Variants in EPHA3 observed in about 807,000 individuals in gnomAD.
EPHA3 encodes the protein EPH receptor A3.
Under a neutral mutation model 107.1 loss-of-function variants are expected in EPHA3, and 42 were observed. That is an observed-to-expected ratio of 0.39 (90% CI 0.31 to 0.51). The LOEUF (loss-of-function observed/expected upper bound fraction) is 0.51, where lower values mean the gene tolerates loss of function less well. Ranked by LOEUF, EPHA3 falls within the 20% of genes least tolerant of loss-of-function variation. The pLI is 0.78. For synonymous variants in EPHA3, 461 were observed against 424.8 expected (o/e 1.09, Z -1.05); for missense variants, 1,183 against 1,211.2 (o/e 0.98, Z 0.35).
chr3:89,477,130 G>A (rs1420779510), intron 16 of EPHA3, among the ~76,000 whole-genome samples: 3 of 152,106 alleles, frequency 2.0e-5, no homozygotes, highest in Non-Finnish European at 4.4e-5. Flanking sequence ...GTAGATTCAT[G>A]GTATGTTTAT....
At chr3:89,472,162 A>C (rs555348790) in intron 15 of EPHA3, among the ~76,000 whole-genome samples, 2 of 152,314 alleles carry the variant, frequency 1.3e-5, no homozygotes, top group African/African-American at 4.8e-5. Context: ...CATTTTTGCT[A>C]GTGATTAAAT....
At chr3:89,385,333 A>T (rs1248571562) in intron 5 of EPHA3, among the ~76,000 whole-genome samples, 2 of 152,166 alleles carry the variant, frequency 1.3e-5, no homozygotes, top group African/African-American at 4.8e-5. Context: ...AGTTCCCACA[A>T]TCCCCACATG....
chr3:89,248,550 T>G (rs1203060926), intron 3 of EPHA3, among the ~76,000 whole-genome samples: 1 of 152,222 alleles, frequency 6.6e-6, no homozygotes, highest in African/African-American at 2.4e-5. Flanking sequence ...CATTTCGGTG[T>G]AGTAATAGAT....
At chr3:89,478,778 G>A (rs1710568758) in intron 16 of EPHA3, among the ~76,000 whole-genome samples, 1 of 152,158 alleles carries the variant, frequency 6.6e-6, no homozygotes, top group South Asian at 2.1e-4. Flanking sequence ...CACAAAGAAT[G>A]TGTGATCATT....
chr3:89,443,445 G>A (rs1251051347), intron 13 of EPHA3, among the ~76,000 whole-genome samples: 1 of 152,022 alleles, frequency 6.6e-6, no homozygotes, highest in African/African-American at 2.4e-5. Context: ...GAAAAAAGAG[G>A]ACATTAGAAA....
Position 89,341,164 on chromosome 3 carries a change from A to G in EPHA3, c.970+93A>G, listed in dbSNP as rs1400604461. The G allele has an allele frequency of 3.0e-6, 4 of 1,346,702 alleles. No individual in the cohort carries two copies. The African/African-American group carries it at 4.5e-5, about 15-fold the overall frequency. The allele number at this position is 1,346,702 out of a possible 1,614,324, so 83.4% of individuals were successfully genotyped here. A position where few individuals can be genotyped will look rare whatever the true frequency, so the allele number is the denominator to read the frequency against. On this transcript the variant is annotated intron_variant, in intron 4 of 16. Coordinates refer to ENST00000336596, the MANE Select transcript of EPHA3 (RefSeq NM_005233.6). ...GTTTTTGTTTTAAAGCATTTGGCCC[A>G]TTTCCTTCTGTTGCCCGTGTGCAAA... is the stretch of plus-strand genomic sequence containing the variant.
intron 3 of EPHA3, among the ~76,000 whole-genome samples, chr3:89,231,027 T>C (rs1288501985): frequency 6.6e-6 from 1 of 152,080 alleles, no homozygotes; most frequent in Non-Finnish European, 1.5e-5. Flanking sequence ...AATATATTAA[T>C]CACACACAAA....
intron 2 of EPHA3, among the ~76,000 whole-genome samples, chr3:89,179,803 T>A (rs1705401442): frequency 6.6e-6 from 1 of 151,986 alleles, no homozygotes; most frequent in South Asian, 2.1e-4. Context: ...TGTAGATACA[T>A]GTTCCCAGCA....
chr3:89,306,083 C>T (rs1052025851), intron 3 of EPHA3, among the ~76,000 whole-genome samples: 1 of 152,072 alleles, frequency 6.6e-6, no homozygotes, highest in African/African-American at 2.4e-5. Context: ...ATTGCCAGTG[C>T]TTTCTGATTG....
At chr3:89,295,670 C>A (rs1706331464) in intron 3 of EPHA3, among the ~76,000 whole-genome samples, 1 of 152,120 alleles carries the variant, frequency 6.6e-6, no homozygotes, top group Middle Eastern at 3.2e-3. Flanking sequence ...CAGCTCGCTG[C>A]AACCTCTGCC....
intron 5 of EPHA3, among the ~76,000 whole-genome samples, chr3:89,383,550 C>T (rs2107488135): frequency 6.6e-6 from 1 of 151,166 alleles, no homozygotes; most frequent in Middle Eastern, 3.4e-3. Flanking sequence ...GACCCTCACT[C>T]AGAACAGATT....
chr3:89,375,548 G>A (rs1170027204), intron 5 of EPHA3, among the ~76,000 whole-genome samples: 2 of 151,524 alleles, frequency 1.3e-5, no homozygotes, highest in South Asian at 2.1e-4. Context: ...AGGAAGCTGG[G>A]ATATTTATAC....
chr3:89,424,383 G>A (rs1252900759), intron 11 of EPHA3, among the ~76,000 whole-genome samples: 3 of 151,302 alleles, frequency 2.0e-5, no homozygotes, highest in Non-Finnish European at 4.4e-5. Context: ...ATAAAGGTAT[G>A]TAAACAGCCC....
Position 89,480,881 on chromosome 3 carries a change from T to G in EPHA3, c.*1379T>G, listed in dbSNP as rs530646414. 42 of 232,156 alleles carry G rather than the reference T, an allele frequency of 1.8e-4. No individual in the cohort carries two copies. In the South Asian group the frequency reaches 4.4e-3, roughly 24 times the overall value. The allele number at this position is 232,156 out of a possible 1,614,324, so 14.4% of individuals were successfully genotyped here. On this transcript the variant is annotated 3_prime_UTR_variant, in exon 17 of 17. Transcript: ENST00000336596. ...TCTTTGAATTTACTGGACATAACAT[T>G]TTCAGAATAGTTGGTCATCTAGCAA...
At chr3:89,406,335 C>T (rs1007429644) in intron 7 of EPHA3, among the ~76,000 whole-genome samples, 4 of 152,116 alleles carry the variant, frequency 2.6e-5, no homozygotes, top group African/African-American at 9.7e-5. Flanking sequence ...AACTGCTTTT[C>T]CAGAGATTCT....
intron 2 of EPHA3, among the ~76,000 whole-genome samples, chr3:89,142,261 A>G (rs1704449039): frequency 6.6e-6 from 1 of 151,428 alleles, no homozygotes; most frequent in Admixed American, 6.6e-5. Context: ...CACTGAAATG[A>G]TAGATACAAC....
At chr3:89,232,211 T>A (rs1704653331) in intron 3 of EPHA3, among the ~76,000 whole-genome samples, 1 of 152,228 alleles carries the variant, frequency 6.6e-6, no homozygotes, top group Non-Finnish European at 1.5e-5. Context: ...TTATAAAAAA[T>A]TCCTTAAGGA....
At chr3:89,347,005 G>A (rs1473912122) in intron 5 of EPHA3, among the ~76,000 whole-genome samples, 1 of 143,022 alleles carries the variant, frequency 7.0e-6, no homozygotes, top group Non-Finnish European at 1.5e-5. Flanking sequence ...GTACCATGCT[G>A]TTTTGGTTAC....
intron 3 of EPHA3, among the ~76,000 whole-genome samples, chr3:89,291,374 A>G (rs550276842): frequency 6.6e-6 from 1 of 152,280 alleles, no homozygotes; most frequent in South Asian, 2.1e-4. Flanking sequence ...GTACTATGGT[A>G]TGTTATGCAG....
Sources: gnomAD v4.1 joint callset for allele counts (sites outside exome capture counted in the v4.1 genomes callset) on GRCh38, gnomAD v4.1.1 for gene constraint, MANE v1.5 for transcripts, NCBI Gene and HGNC (gene_info 2026-07-23, HGNC 2026-07-21) for gene names.